ESRRB: variants seen among roughly 807,000 people sequenced by gnomAD.
The protein encoded by ESRRB is estrogen related receptor beta.
ESRRB carries 16 observed loss-of-function variants against 46.0 expected under a neutral mutation model. The ratio of observed to expected loss-of-function variants is 0.35; its 90% CI spans 0.24 to 0.53. The LOEUF (loss-of-function observed/expected upper bound fraction) is 0.53. ESRRB is among the 20% of genes least tolerant of loss of function. The pLI is 0.93. For missense variants in ESRRB, 488 were observed against 607.4 expected (o/e 0.80, Z 2.07); for synonymous variants, 246 against 259.6 (o/e 0.95, Z 0.50).
chr14:76,323,388 C>T (rs1257673498), intron 1 of ESRRB, among the ~76,000 whole-genome samples: 1 of 151,046 alleles, frequency 6.6e-6, no homozygotes, highest in Non-Finnish European at 1.5e-5. Context: ...TGGCTGACTG[C>T]AGCATTGACC....
At chr14:76,331,128 C>G (rs1419479784) in intron 1 of ESRRB, among the ~76,000 whole-genome samples, 1 of 152,152 alleles carries the variant, frequency 6.6e-6, no homozygotes, top group Non-Finnish European at 1.5e-5. Flanking sequence ...CCTCCCTCTC[C>G]CCTGAAGCTG....
chr14:76,379,549 G>A lies in ESRRB; in HGVS notation c.50+3098G>A, dbSNP rs1305293107. On this transcript the variant is annotated intron_variant, in intron 1 of 6. Coordinates refer to ENST00000644823, the MANE Select transcript of ESRRB (RefSeq NM_001379180.1). ...AAATCAGAGTGAGGACATCAGTCTCGGTTTTCCAAGGGAGGGGCTCTAGGA... is the reference window on the plus strand; with the variant it reads ...AAATCAGAGTGAGGACATCAGTCTCAGTTTTCCAAGGGAGGGGCTCTAGGA... Among the ~76,000 whole-genome samples the A allele has an allele frequency of 4.6e-5, 7 of 152,284 alleles. No homozygotes were observed. In the South Asian group the frequency reaches 6.2e-4, roughly 14 times the overall value.
At chr14:76,481,958 C>G in intron 3 of ESRRB, 58 bp from the exon 4 acceptor site, 2 of 1,516,390 alleles carry the variant, frequency 1.3e-6, no homozygotes, top group Non-Finnish European at 1.8e-6. Context: ...AAAGTCAGTG[C>G]TTCTACCCTG....
intron 1 of ESRRB, among the ~76,000 whole-genome samples, chr14:76,338,678 G>A (rs542966165): frequency 6.6e-6 from 1 of 152,316 alleles, no homozygotes; most frequent in African/African-American, 2.4e-5. Context: ...AGGTGTGGTG[G>A]CTCATGCCTG....
At chr14:76,340,936 C>G (rs1368249380) in intron 1 of ESRRB, among the ~76,000 whole-genome samples, 1 of 152,110 alleles carries the variant, frequency 6.6e-6, no homozygotes, top group Non-Finnish European at 1.5e-5. Flanking sequence ...TCTCTCTGAG[C>G]CTCAGTTTCC....
chr14:76,473,777 G>T (rs1488843505), intron 3 of ESRRB, among the ~76,000 whole-genome samples: 1 of 152,244 alleles, frequency 6.6e-6, no homozygotes, highest in Non-Finnish European at 1.5e-5. Flanking sequence ...CAGCAAGTGG[G>T]TATCCAATCC....
At chr14:76,433,601 A>G (rs928246265) in intron 1 of ESRRB, among the ~76,000 whole-genome samples, 5 of 152,144 alleles carry the variant, frequency 3.3e-5, no homozygotes, top group African/African-American at 9.7e-5. Context: ...GTGCTGCCTG[A>G]ATGTGTTCAT....
intron 1 of ESRRB, among the ~76,000 whole-genome samples, chr14:76,336,174 G>A (rs1028223562): frequency 2.0e-5 from 3 of 152,154 alleles, no homozygotes; most frequent in African/African-American, 7.2e-5. Flanking sequence ...TAGTTGACAG[G>A]GAGCCATTGC....
At chr14:76,419,937 G>A (rs116938807) in intron 1 of ESRRB, among the ~76,000 whole-genome samples, 1,575 of 152,176 alleles carry the variant, frequency 0.01, 16 homozygotes, top group Non-Finnish European at 0.015. Flanking sequence ...GGATGGAGAG[G>A]GTCTGTCTCA....
intron 1 of ESRRB, among the ~76,000 whole-genome samples, chr14:76,340,976 C>T (rs36065250): frequency 0.22 from 33,783 of 152,124 alleles, 4,559 homozygotes; most frequent in East Asian, 0.44. Context: ...AATCATCCCT[C>T]CTCCCAGGGT....
At chr14:76,489,545 C>T (rs1210925710) in intron 5 of ESRRB, among the ~76,000 whole-genome samples, 1 of 151,822 alleles carries the variant, frequency 6.6e-6, no homozygotes, top group Admixed American at 6.6e-5. Flanking sequence ...CCGTGTCAGT[C>T]GGTGTAATCA....
chr14:76,448,736 G>C (rs1474268024), intron 2 of ESRRB, among the ~76,000 whole-genome samples: 3 of 150,116 alleles, frequency 2.0e-5, no homozygotes, highest in African/African-American at 7.6e-5. Flanking sequence ...CCCAAACAAA[G>C]TGATCTCCCA....
At chr14:76,327,590 C>T (rs1883950503) in intron 1 of ESRRB, among the ~76,000 whole-genome samples, 1 of 152,136 alleles carries the variant, frequency 6.6e-6, no homozygotes, top group African/African-American at 2.4e-5. Flanking sequence ...ACTATAATTC[C>T]CCCAGAGGAG....
chr14:76,342,797 G>A (rs1317174364), intron 1 of ESRRB, among the ~76,000 whole-genome samples: 1 of 152,170 alleles, frequency 6.6e-6, no homozygotes, highest in Admixed American at 6.5e-5. Context: ...TGTTTGTTTA[G>A]AAAATTCTTG....
chr14:76,491,775 A>C (rs1206573870), intron 6 of ESRRB, 59 bp downstream of exon 6: 1 of 1,505,596 alleles, frequency 6.6e-7, no homozygotes, highest in Middle Eastern at 2.4e-4. Flanking sequence ...GGGCCTAATG[A>C]GCCCATCCCT....
chr14:76,418,146 G>A (rs1248145841), intron 1 of ESRRB, among the ~76,000 whole-genome samples: 1 of 151,780 alleles, frequency 6.6e-6, no homozygotes, highest in Non-Finnish European at 1.5e-5. Flanking sequence ...AGTAAGACAG[G>A]GTTTCACCAT....
intron 2 of ESRRB, among the ~76,000 whole-genome samples, chr14:76,462,176 GGTGGTGGTGGTA>G (rs1467830020): frequency 1.8e-4 from 23 of 129,908 alleles, no homozygotes; most frequent in Non-Finnish European, 3.1e-4. Context: ...TGGTGGTGGT[GGTGGTGGTGGTA>G]GTGGTGGTCT....
rs3813545 is a variant in ESRRB, at chr14:76,500,962, T to C, written c.*2504T>C. On this transcript the variant is annotated 3_prime_UTR_variant, in exon 7 of 7. Coordinates refer to ENST00000644823, the MANE Select transcript of ESRRB (RefSeq NM_001379180.1). ...AAGTTCCTGGTACTGAAGGGGTCCATTGGACACTCAGAAAAGAAGTTCAGG... is the reference window on the plus strand; with the variant it reads ...AAGTTCCTGGTACTGAAGGGGTCCACTGGACACTCAGAAAAGAAGTTCAGG... 0.25 allele frequency: 142,862 copies of C among 577,364 alleles called. 18,416 individuals carry two copies. The highest frequency in any genetic ancestry group is 0.3 in the Admixed American group (10,354 of 34,776). 35.8% of individuals were successfully genotyped at this position (577,364 alleles called of 1,614,324 possible).
chr14:76,320,175 C>A (rs1883851197), intron 1 of ESRRB, among the ~76,000 whole-genome samples: 1 of 152,178 alleles, frequency 6.6e-6, no homozygotes, highest in Non-Finnish European at 1.5e-5. Flanking sequence ...CCTGTGGAAT[C>A]TATTTGCTAA....
Sources: allele counts gnomAD v4.1 joint callset (sites outside exome capture counted in the v4.1 genomes callset), GRCh38; gene constraint gnomAD v4.1.1; transcripts MANE v1.5; gene names NCBI Gene and HGNC (gene_info 2026-07-23, HGNC 2026-07-21).